Variants in RIC3 observed in about 807,000 individuals in gnomAD.
The protein encoded by RIC3 is protein RIC-3.
A neutral mutation model predicts 27.3 loss-of-function variants in RIC3; 28 were observed. The observed-to-expected ratio is 1.02, with a 90% CI of 0.76 to 1.41. The LOEUF is 1.41. Ranked by LOEUF, RIC3 falls within the 40% of genes most tolerant of loss-of-function variation. The pLI, the probability that RIC3 is intolerant of heterozygous loss-of-function variation, is 0.00. For synonymous variants in RIC3, 184 were observed against 160.4 expected, an observed-to-expected ratio of 1.15 and a Z score of -1.11; for missense variants, 501 against 444.7, an observed-to-expected ratio of 1.13 and a Z score of -1.14.
Position 8,125,698 on chromosome 11 carries a change from T to G in RIC3, c.670+961A>C, listed in dbSNP as rs149354972. On this transcript the variant is annotated intron_variant, in intron 5 of 5. Transcript: ENST00000309737. ...ACACCGCTGGTGGGAAGGGAAAAAG[T>G]AGACCTACTTAGGAAAGCAGGTTGA... 6.5e-3 allele frequency among the ~76,000 whole-genome samples: 987 copies of G among 152,284 alleles called. 22 individuals are homozygous for G. Among genetic ancestry groups the G allele is most frequent in the Admixed American group, 0.051 (786 of 15,292 alleles).
intron 5 of RIC3, among the ~76,000 whole-genome samples, chr11:8,112,228 T>A (rs376179977): frequency 5.3e-5 from 8 of 152,304 alleles, no homozygotes; most frequent in African/African-American, 1.9e-4. Flanking sequence ...TCATAATAAT[T>A]TGCTTTTTTC....
the RIC3 span, chr11:8,098,606 A>C: frequency 3.2e-6 from 2 of 630,368 alleles, no homozygotes; most frequent in Non-Finnish European, 5.7e-6. Flanking sequence ...GTGTCTTCAA[A>C]GATGTGGATT....
intron 4 of RIC3, among the ~76,000 whole-genome samples, chr11:8,129,569 A>C (rs1460597845): frequency 6.6e-6 from 1 of 152,194 alleles, no homozygotes; most frequent in Non-Finnish European, 1.5e-5. Flanking sequence ...GAAGAGGCTG[A>C]GTATGGAAGA....
chr11:8,118,224 C>CA (rs989594446), intron 5 of RIC3, among the ~76,000 whole-genome samples: 1,744 of 45,528 alleles, frequency 0.038, 60 homozygotes, highest in African/African-American at 0.098. Flanking sequence ...GGTTCCATCT[C>CA]AAAAAAAAAA....
Position 8,141,224 on chromosome 11 carries a change from T to G in RIC3, c.125-1031A>C, listed in dbSNP as rs13221623. On this transcript the variant is annotated intron_variant, in intron 1 of 5. Coordinates refer to ENST00000309737, the MANE Select transcript of RIC3 (RefSeq NM_001206671.4). ...AATGGACTAAATGCTCCAATTAAAA[T>G]ACACAGACTGGCAAATTGGATAAAG... 3.2e-3 allele frequency among the ~76,000 whole-genome samples: 483 copies of G among 151,968 alleles called. 5 individuals are homozygous for G. The highest frequency in any genetic ancestry group is 0.01 in the African/African-American group (428 of 41,360).
At chr11:8,099,887 T>C in the RIC3 span, among the ~76,000 whole-genome samples, 54,282 of 152,048 alleles carry the variant, frequency 0.36, 10,706 homozygotes, top group African/African-American at 0.54. Context: ...ATGGAGTGGA[T>C]ACCAGGCAGT....
intron 1 of RIC3, among the ~76,000 whole-genome samples, chr11:8,158,200 A>G (rs1053396288): frequency 1.1e-4 from 16 of 152,170 alleles, no homozygotes; most frequent in Non-Finnish European, 1.9e-4. Context: ...ATGTATCTGT[A>G]TATTTTCACA....
the RIC3 span, among the ~76,000 whole-genome samples, chr11:8,098,600 C>T: frequency 6.6e-6 from 1 of 152,226 alleles, no homozygotes; most frequent in African/African-American, 2.4e-5. Context: ...CACGAAGTGT[C>T]TTCAAAGATG....
rs1948113636 is a variant in RIC3 at position 8,134,375 on chromosome 11, T to C, written c.521+3003A>G. Among the ~76,000 whole-genome samples, 3 of 152,342 alleles carry C rather than the reference T, an allele frequency of 2.0e-5. No homozygotes were observed. The South Asian group carries it at 6.2e-4, about 32-fold the overall frequency. On this transcript the variant is annotated intron_variant, in intron 4 of 5. Coordinates refer to ENST00000309737, the MANE Select transcript of RIC3 (RefSeq NM_001206671.4). ...ATTCCATGGTATATATGTGCCACAT[T>C]TTCTTAATCCAGTCTATCATTGATG...
chr11:8,105,762 T>G (rs1258108790), downstream of RIC3: 1 of 152,220 alleles, frequency 6.6e-6, no homozygotes, highest in Non-Finnish European at 1.5e-5. Context: ...AAGAAAGACA[T>G]CACATCCCTC....
At chr11:8,152,594 T>C (rs1035438893) in intron 1 of RIC3, among the ~76,000 whole-genome samples, 1 of 152,190 alleles carries the variant, frequency 6.6e-6, no homozygotes, top group African/African-American at 2.4e-5. Flanking sequence ...AAAAAGTGAC[T>C]GCCTAATGTG....
intron 1 of RIC3, among the ~76,000 whole-genome samples, chr11:8,167,106 T>C (rs1307522164): frequency 6.6e-6 from 1 of 152,198 alleles, no homozygotes; most frequent in Non-Finnish European, 1.5e-5. Context: ...TAGCTTCTCC[T>C]TGTCAAAAAC....
intron 1 of RIC3, among the ~76,000 whole-genome samples, chr11:8,158,969 G>A (rs906747241): frequency 6.0e-5 from 9 of 150,928 alleles, no homozygotes; most frequent in Non-Finnish European, 1.3e-4. Flanking sequence ...CTGACCTTGT[G>A]ATCCACCCGC....
intron 5 of RIC3, among the ~76,000 whole-genome samples, chr11:8,124,850 G>C (rs563585091): frequency 1.7e-4 from 26 of 152,200 alleles, no homozygotes; most frequent in Non-Finnish European, 3.5e-4. Context: ...CATCTATAAA[G>C]GTTAACTCAA....
the RIC3 span, chr11:8,100,964 G>C: frequency 6.2e-7 from 1 of 1,614,146 alleles, no homozygotes; most frequent in Non-Finnish European, 8.5e-7. Context: ...ACAGGCCTCC[G>C]TGAAGAACTT....
chr11:8,133,412 G>A (rs1246298332), intron 4 of RIC3, among the ~76,000 whole-genome samples: 3 of 152,166 alleles, frequency 2.0e-5, no homozygotes, highest in African/African-American at 4.8e-5. Flanking sequence ...TACCTGTAAG[G>A]ATAAAAGGTG....
chr11:8,146,497 C>T (rs1217960482), intron 1 of RIC3, among the ~76,000 whole-genome samples: 1 of 152,118 alleles, frequency 6.6e-6, no homozygotes, highest in East Asian at 1.9e-4. Context: ...ATGCTATGAA[C>T]TGAGAACTGC....
chr11:8,154,066 T>C (rs570420084), intron 1 of RIC3, among the ~76,000 whole-genome samples: 9 of 152,294 alleles, frequency 5.9e-5, no homozygotes, highest in South Asian at 4.1e-4. Context: ...AAGTCAATGA[T>C]TATAAAACAT....
downstream of RIC3, chr11:8,102,466 G>A (rs1944348412): frequency 6.6e-6 from 1 of 152,214 alleles, no homozygotes; most frequent in Non-Finnish European, 1.5e-5. Flanking sequence ...TCTCTGCTGA[G>A]CAGCCCAGCA....
Sources: allele counts gnomAD v4.1 joint callset (sites outside exome capture counted in the v4.1 genomes callset), GRCh38; gene constraint gnomAD v4.1.1; transcripts MANE v1.5; gene names NCBI Gene and HGNC (gene_info 2026-07-23, HGNC 2026-07-21).